The following RINT1 variants were observed in gnomAD, a reference collection of about 807,000 sequenced individuals.
The protein encoded by RINT1 is RAD50-interacting protein 1.
A neutral mutation model predicts 97.7 loss-of-function variants in RINT1; 75 were observed. That is an observed-to-expected ratio of 0.77 (90% CI 0.64 to 0.93). RINT1 has a LOEUF of 0.93. RINT1 is among the 40% of genes least tolerant of loss of function. The pLI is 0.00. For synonymous variants in RINT1, 303 were observed against 326.3 expected (o/e 0.93, Z 0.77); for missense variants, 892 against 925.2 (o/e 0.96, Z 0.47).
rs777768528 is a variant in RINT1, at chr7:105,547,042, A to C, written c.648A>C (p.Thr216=). 1.2e-6 allele frequency: 2 copies of C among 1,613,938 alleles called. No homozygotes were observed. Among genetic ancestry groups the C allele is most frequent in the East Asian group, 2.2e-5 (1 of 44,888 alleles). The part of the protein sequence containing the change: ...CTHLLGFMRA[T]VKFWHKILKD... ...ATCTTCTTGGTTTCATGAGAGCCAC[A>C]GTTAAATTCTGGCATAAAATTCTCA... is the stretch of plus-strand genomic sequence containing the variant. The change falls in exon 5 of 15, where the codon ACA becomes ACC. Residue 216 remains threonine (T), a synonymous_variant. Coordinates refer to ENST00000257700, the MANE Select transcript of RINT1 (RefSeq NM_021930.6).
rs571910223 is a variant in RINT1, at chr7:105,547,134, GTGA to G, written c.690-48_690-46del. 526 of 1,613,522 alleles carry G rather than the reference GTGA, an allele frequency of 3.3e-4. 4 individuals are homozygous for G. The African/African-American group carries it at 6.2e-3, about 19-fold the overall frequency. On this transcript the variant is annotated intron_variant, in intron 5 of 14. Coordinates refer to ENST00000257700, the MANE Select transcript of RINT1 (RefSeq NM_021930.6). ...GTAATTGCTTTCCGATGGGTATTTG[GTGA>G]TCATTTGGTGATGTACTGAAATGTA...
chr7:105,543,010 G>A (rs1269457351), intron 4 of RINT1, among the ~76,000 whole-genome samples: 1 of 151,236 alleles, frequency 6.6e-6, no homozygotes, highest in Non-Finnish European at 1.5e-5. Context: ...TCAGCCTCCC[G>A]AGTAGCTGGG....
chr7:105,548,995 T>C (rs1303949289), intron 7 of RINT1, among the ~76,000 whole-genome samples: 2 of 151,948 alleles, frequency 1.3e-5, no homozygotes, highest in Non-Finnish European at 2.9e-5. Context: ...CTTTTCTTTT[T>C]TTTTTTTTGT....
chr7:105,541,075 T>A (rs1207202818), intron 3 of RINT1, among the ~76,000 whole-genome samples: 1 of 149,834 alleles, frequency 6.7e-6, no homozygotes, highest in Non-Finnish European at 1.5e-5. Context: ...CCTGACCTTG[T>A]GATCCACCCA....
chr7:105,552,666 C>CTTTTTTTTTTTTTTTTTTTT (rs386410906), intron 10 of RINT1, among the ~76,000 whole-genome samples: 1 of 79,996 alleles, frequency 1.3e-5, no homozygotes, highest in Non-Finnish European at 2.3e-5. Context: ...TAAATAATTC[C>CTTTTTTTTTTTTTTTTTTTT]TTTTTTTTTT....
chr7:105,538,287 G>A (rs925171560), intron 3 of RINT1, among the ~76,000 whole-genome samples: 11 of 152,080 alleles, frequency 7.2e-5, no homozygotes, highest in South Asian at 6.2e-4. Flanking sequence ...CACCACACCC[G>A]GCCAAGATAA....
chr7:105,555,798 T>C (rs1162917385), intron 11 of RINT1, among the ~76,000 whole-genome samples: 5 of 152,072 alleles, frequency 3.3e-5, no homozygotes, highest in African/African-American at 9.6e-5. Context: ...CTGGGCAACA[T>C]AGGGAGACCC....
rs1199378777 is a variant in RINT1, at chr7:105,546,910, T to C, written c.516T>C (p.Ser172=). 4 of 1,594,258 alleles carry C rather than the reference T, an allele frequency of 2.5e-6. No homozygotes were observed. Among genetic ancestry groups the C allele is most frequent in the African/African-American group, 2.7e-5 (2 of 73,710 alleles). The part of the protein sequence containing the change: ...LKWISQIEEL[S]DNIQQYLMTN... The stretch of plus-strand genomic sequence containing the variant: ...AAAATTTGCTTTACTTTGTTTACAG[T>C]GATAACATTCAGCAATATCTGATGA... The change falls in exon 5 of 15, where the codon AGT becomes AGC. Residue 172 remains serine, a splice_region_variant and synonymous_variant. Coordinates refer to ENST00000257700, the MANE Select transcript of RINT1 (RefSeq NM_021930.6).
chr7:105,543,820 G>A (rs940584003), intron 4 of RINT1, among the ~76,000 whole-genome samples: 1 of 151,994 alleles, frequency 6.6e-6, no homozygotes, highest in Admixed American at 6.6e-5. Context: ...GCCAGGTGCA[G>A]TGGCTCACAC....
Position 105,542,537 on chromosome 7 carries a change from T to G in RINT1, c.403T>G (p.Leu135Val). 6 of 1,614,152 alleles carry G rather than the reference T, an allele frequency of 3.7e-6. No individual in the cohort carries two copies. The highest frequency in any genetic ancestry group is 5.1e-6 in the Non-Finnish European group (6 of 1,180,010). The change falls in exon 4 of 15, where the codon TTG becomes GTG. Residue 135 changes from leucine (L) to valine (V), a missense_variant. Physicochemically the swap from Leu to Val is conservative, Grantham distance 32. Transcript: ENST00000257700. ...TCTCTTCAGCGCCATTAACAGCCAT[T>G]TGCTGACTGCGCAACCTTGGATGGA... Reference protein sequence around the residue: ...THLFSAINSHLLTAQPWMDDL... With the variant: ...THLFSAINSHVLTAQPWMDDL...
At chr7:105,537,708 C>T (rs531715584) in intron 3 of RINT1, among the ~76,000 whole-genome samples, 28 of 151,492 alleles carry the variant, frequency 1.8e-4, no homozygotes, top group Non-Finnish European at 3.5e-4. Context: ...TGGTGGCGGG[C>T]ACCTGTAATC....
intron 3 of RINT1, among the ~76,000 whole-genome samples, chr7:105,539,755 T>TA (rs1047275896): frequency 6.6e-5 from 10 of 152,190 alleles, no homozygotes; most frequent in African/African-American, 2.4e-4. Context: ...ACTTCAGACT[T>TA]ACTGTATCAG....
chr7:105,555,265 A>G, intron 11 of RINT1, 38 bp downstream of exon 11: 1 of 1,493,332 alleles, frequency 6.7e-7, no homozygotes, highest in South Asian at 1.2e-5. Context: ...AATATATACT[A>G]GTTCGAACTA....
intron 1 of RINT1, 37 bp downstream of exon 1, chr7:105,532,394 G>T: frequency 1.3e-6 from 2 of 1,587,878 alleles, no homozygotes; most frequent in Non-Finnish European, 8.6e-7. Context: ...GGGGACATTG[G>T]TGGCCCATTG....
intron 13 of RINT1, 22 bp downstream of exon 13, chr7:105,565,479 T>C: frequency 6.2e-7 from 1 of 1,611,818 alleles, no homozygotes. Context: ...TAGACTGTTT[T>C]TGGGCTGTGA....
intron 9 of RINT1, 120 bp from the exon 10 acceptor site, chr7:105,551,450 G>C: frequency 1.3e-6 from 1 of 787,984 alleles, no homozygotes; most frequent in Non-Finnish European, 1.9e-6. Flanking sequence ...ACAACCAGTG[G>C]GATATTGTAG....
In RINT1 at chr7:105,550,099, T is replaced by C. The variant is rs763899861; in HGVS notation, c.1041T>C (p.His347=). The C allele has an allele frequency of 6.2e-6, 10 of 1,613,770 alleles. No homozygotes were observed. Among genetic ancestry groups the C allele is most frequent in the Non-Finnish European group, 8.5e-6 (10 of 1,179,842 alleles). ...LAQVLMWIGN[H]TEFLDEKIQP... ...AAGTACTTATGTGGATTGGAAACCATACTGAATTTCTGGATGAGAAGATTC... is the reference window on the plus strand; with the variant it reads ...AAGTACTTATGTGGATTGGAAACCACACTGAATTTCTGGATGAGAAGATTC... The change falls in exon 8 of 15, where the codon CAT becomes CAC. Residue 347 remains histidine (H), a synonymous_variant. Transcript: ENST00000257700.
intron 4 of RINT1, among the ~76,000 whole-genome samples, chr7:105,545,446 CTT>C (rs1417824166): frequency 1.5e-5 from 2 of 137,260 alleles, no homozygotes; most frequent in Non-Finnish European, 3.1e-5. Context: ...GAGTGAGACT[CTT>C]TTAAAAAAAA....
At chr7:105,560,510 G>T (rs1167341078) in intron 11 of RINT1, among the ~76,000 whole-genome samples, 2 of 152,042 alleles carry the variant, frequency 1.3e-5, no homozygotes, top group Non-Finnish European at 2.9e-5. Context: ...GATGATTTAG[G>T]TTCATGTTGG....
Sources: allele counts gnomAD v4.1 joint callset (sites outside exome capture counted in the v4.1 genomes callset), GRCh38; gene constraint gnomAD v4.1.1; transcripts MANE v1.5; gene names NCBI Gene and HGNC (gene_info 2026-07-23, HGNC 2026-07-21).